MCU: variants seen among roughly 807,000 people sequenced by gnomAD.
MCU encodes the protein mitochondrial calcium uniporter.
A neutral mutation model predicts 45.2 loss-of-function variants in MCU; 12 were observed. The observed-to-expected ratio is 0.27, with a 90% CI of 0.17 to 0.43. The LOEUF is 0.43. Among genes scored for constraint, MCU ranks in the 20% least tolerant of loss-of-function variants. The pLI is 1.00. For missense variants in MCU, 324 were observed against 436.7 expected, an observed-to-expected ratio of 0.74 and a Z score of 2.30; for synonymous variants, 160 against 165.1, an observed-to-expected ratio of 0.97 and a Z score of 0.24.
At chr10:72,741,098 C>CTTTTTTTTT (rs11310286) in intron 1 of MCU, among the ~76,000 whole-genome samples, 1 of 124,690 alleles carries the variant, frequency 8.0e-6, no homozygotes, top group Non-Finnish European at 1.7e-5. Context: ...TTTTCTTTTT[C>CTTTTTTTTT]TTTTTTTTTT....
chr10:72,765,104 A>G (rs866581448), intron 1 of MCU, among the ~76,000 whole-genome samples: 55 of 151,542 alleles, frequency 3.6e-4, no homozygotes, highest in East Asian at 1.2e-3. Context: ...AAAAAAAAAA[A>G]AGAGAGAGTT....
chr10:72,699,759 T>C (rs1321073000), intron 1 of MCU, among the ~76,000 whole-genome samples: 1 of 150,654 alleles, frequency 6.6e-6, no homozygotes, highest in Non-Finnish European at 1.5e-5. Context: ...CCCCTGCCGA[T>C]TTTTGTATTT....
intron 1 of MCU, among the ~76,000 whole-genome samples, chr10:72,745,026 A>T (rs1356944364): frequency 6.6e-6 from 1 of 152,076 alleles, no homozygotes. Context: ...AGGCCCACAG[A>T]TAAGTGTTTC....
chr10:72,873,672 T>C (rs1845580793), intron 6 of MCU, among the ~76,000 whole-genome samples: 1 of 152,202 alleles, frequency 6.6e-6, no homozygotes, highest in South Asian at 2.1e-4. Flanking sequence ...TTACAAAAAA[T>C]CTTTGCCCAG....
chr10:72,709,340 T>C (rs979040904), intron 1 of MCU, among the ~76,000 whole-genome samples: 1 of 152,206 alleles, frequency 6.6e-6, no homozygotes, highest in Non-Finnish European at 1.5e-5. Flanking sequence ...AATACAGATG[T>C]CAGAATACTT....
chr10:72,802,786 C>A (rs1269760751), intron 1 of MCU, among the ~76,000 whole-genome samples: 1 of 152,060 alleles, frequency 6.6e-6, no homozygotes, highest in Admixed American at 6.6e-5. Flanking sequence ...TATGTATATC[C>A]CCTTATTCTA....
intron 1 of MCU, among the ~76,000 whole-genome samples, chr10:72,724,308 C>G (rs1589433104): frequency 1.3e-5 from 2 of 152,300 alleles, no homozygotes; most frequent in East Asian, 1.9e-4. Context: ...AATGGTATCT[C>G]AATGAAGCTT....
chr10:72,742,408 A>G (rs914174923), intron 1 of MCU, among the ~76,000 whole-genome samples: 7 of 152,166 alleles, frequency 4.6e-5, no homozygotes, highest in East Asian at 1.9e-4. Flanking sequence ...CAGACTTGCA[A>G]TTCTATTTTA....
chr10:72,879,890 A>T (rs1845674574), intron 6 of MCU, among the ~76,000 whole-genome samples: 1 of 152,104 alleles, frequency 6.6e-6, no homozygotes, highest in Admixed American at 6.6e-5. Context: ...TATTAAAAAT[A>T]TAAAAAAATC....
intron 4 of MCU, among the ~76,000 whole-genome samples, chr10:72,860,870 T>C (rs1845365756): frequency 6.6e-6 from 1 of 152,170 alleles, no homozygotes; most frequent in Non-Finnish European, 1.5e-5. Flanking sequence ...GGGGATATCT[T>C]TTTAAAATAA....
intron 4 of MCU, among the ~76,000 whole-genome samples, chr10:72,864,835 C>T (rs915220934): frequency 2.0e-5 from 3 of 152,148 alleles, no homozygotes; most frequent in African/African-American, 7.2e-5. Flanking sequence ...TGTTTTTCTT[C>T]TTTATTCCCT....
rs546515811 is a variant in MCU, at chr10:72,696,387, A to G, written c.150+4086A>G. 1.3e-3 allele frequency among the ~76,000 whole-genome samples: 195 copies of G among 152,090 alleles called. 1 individual carries two copies. Among genetic ancestry groups the G allele is most frequent in the African/African-American group, 4.5e-3 (185 of 41,500 alleles). On this transcript the variant is annotated intron_variant, in intron 1 of 7. Coordinates refer to ENST00000373053, the MANE Select transcript of MCU (RefSeq NM_138357.3). ...ATTCCTTTAAATGGAGACAGATTCA[A>G]TAATTCCTAGCGTGAAGATGATACT... is the stretch of plus-strand genomic sequence containing the variant.
At chr10:72,851,870 A>G (rs927582579) in intron 2 of MCU, among the ~76,000 whole-genome samples, 1 of 152,182 alleles carries the variant, frequency 6.6e-6, no homozygotes, top group Non-Finnish European at 1.5e-5. Context: ...AATTTCTCCC[A>G]AAGCTAGCTA....
At chr10:72,806,621 A>G (rs970982676) in intron 1 of MCU, among the ~76,000 whole-genome samples, 4 of 152,332 alleles carry the variant, frequency 2.6e-5, no homozygotes. Flanking sequence ...GTGGTGGTGT[A>G]GGCAGCGGGG....
intron 1 of MCU, among the ~76,000 whole-genome samples, chr10:72,772,022 C>A (rs947230128): frequency 3.9e-5 from 6 of 152,332 alleles, no homozygotes; most frequent in Middle Eastern, 3.4e-3. Context: ...AACTTCCCCA[C>A]CATCTTGGGT....
intron 1 of MCU, among the ~76,000 whole-genome samples, chr10:72,734,356 A>G (rs1564541901): frequency 6.6e-6 from 1 of 152,370 alleles, no homozygotes; most frequent in East Asian, 1.9e-4. Flanking sequence ...TGTACTGCAA[A>G]TACAAAATAT....
At chr10:72,878,799 A>G (rs992557276) in intron 6 of MCU, among the ~76,000 whole-genome samples, 3 of 152,246 alleles carry the variant, frequency 2.0e-5, no homozygotes, top group African/African-American at 7.2e-5. Context: ...CACAGTATAC[A>G]GTGGAAAGGC....
intron 6 of MCU, among the ~76,000 whole-genome samples, chr10:72,873,240 G>A (rs997814704): frequency 2.6e-5 from 4 of 151,894 alleles, no homozygotes; most frequent in Middle Eastern, 3.4e-3. Context: ...GGATGGTCTC[G>A]ATCTCCTGAC....
chr10:72,815,567 G>A lies in MCU; in HGVS notation c.151-18792G>A, dbSNP rs141858690. 5.9e-3 allele frequency among the ~76,000 whole-genome samples: 906 copies of A among 152,290 alleles called. 12 individuals carry two copies. The highest frequency in any genetic ancestry group is 0.021 in the African/African-American group (854 of 41,566). On this transcript the variant is annotated intron_variant, in intron 1 of 7. Coordinates refer to ENST00000373053, the MANE Select transcript of MCU (RefSeq NM_138357.3). ...AGCTTTCTCTTTAGCAAGAAACAAT[G>A]TTAGAAAACAATAGAGGAATGTTGA...
Sources: allele counts gnomAD v4.1 joint callset (sites outside exome capture counted in the v4.1 genomes callset), GRCh38; gene constraint gnomAD v4.1.1; transcripts MANE v1.5; gene names NCBI Gene and HGNC (gene_info 2026-07-23, HGNC 2026-07-21).